EVC: variants seen among roughly 807,000 people sequenced by gnomAD.
The protein encoded by EVC is evC complex member EVC.
Under a neutral mutation model 118.9 loss-of-function variants are expected in EVC, and 116 were observed. That is an observed-to-expected ratio of 0.98 (90% confidence interval 0.84 to 1.14). The LOEUF (loss-of-function observed/expected upper bound fraction) is 1.14, where lower values mean the gene tolerates loss of function less well. Ranked by LOEUF, EVC falls within the 50% of genes most tolerant of loss-of-function variation. The pLI is 0.00. For missense variants in EVC, 1,401 were observed against 1,246.4 expected, an observed-to-expected ratio of 1.12 and a Z score of -1.87; for synonymous variants, 619 against 534.7, an observed-to-expected ratio of 1.16 and a Z score of -2.18.
rs144875837 is a variant in EVC at position 5,742,202 on chromosome 4, A to AG, written c.801+391dup. 0.077 allele frequency among the ~76,000 whole-genome samples: 11,717 copies of AG among 152,256 alleles called. 549 individuals carry two copies. Among genetic ancestry groups the AG allele is most frequent in the South Asian group, 0.12 (565 of 4,822 alleles). ...TTTGTCTCAGGCGCAGCAAAGAGTC[A>AG]GGGCTTGGAGTCAGACTGGTTGAGG... is the stretch of plus-strand genomic sequence containing the variant. On this transcript the variant is annotated intron_variant, in intron 6 of 20. Transcript: ENST00000264956. This position sits in a 1 kb window ranked among gnomAD's most constrained non-coding sequence, Gnocchi z 5.2.
chr4:5,774,251 T>C (rs1014706134), intron 11 of EVC, among the ~76,000 whole-genome samples: 1 of 151,444 alleles, frequency 6.6e-6, no homozygotes, highest in Non-Finnish European at 1.5e-5. Context: ...TGCAAACAAC[T>C]GAAACAAAAA....
At chr4:5,765,928 G>C (rs1296856121) in intron 11 of EVC, among the ~76,000 whole-genome samples, 1 of 138,494 alleles carries the variant, frequency 7.2e-6, no homozygotes, top group African/African-American at 2.8e-5. Context: ...TGTTATGTGT[G>C]AATTTGATCC....
chr4:5,748,212 C>T lies in EVC; in HGVS notation c.1004C>T (p.Ser335Phe). The T allele has an allele frequency of 1.2e-6, 2 of 1,614,174 alleles. No individual in the cohort carries two copies. Among genetic ancestry groups the T allele is most frequent in the Non-Finnish European group, 1.7e-6 (2 of 1,180,036 alleles). Residue 335 changes from serine to phenylalanine, a missense_variant, in exon 8 of 21, where the codon TCC becomes TTC. By Grantham distance (155) the Ser-to-Phe change is radical. Coordinates refer to ENST00000264956, the MANE Select transcript of EVC (RefSeq NM_153717.3). Reference protein sequence around the residue: ...QHFLVDQFKCSSSKARQLMMT... With the variant: ...QHFLVDQFKCFSSKARQLMMT... ...TTTCTTGTGGACCAGTTTAAGTGTT[C>T]CAGCTCCAAAGCCCGACAGCTGATG... is the stretch of plus-strand genomic sequence containing the variant.
Position 5,746,570 on chromosome 4 carries a change from A to G in EVC, c.939+1229A>G, listed in dbSNP as rs759275206. On this transcript the variant is annotated intron_variant, in intron 7 of 20. Coordinates refer to ENST00000264956, the MANE Select transcript of EVC (RefSeq NM_153717.3). This position sits in a 1 kb window ranked among gnomAD's most constrained non-coding sequence, Gnocchi z 5.8. ...AGGTTAGAGGACTTTGAGGGCCAGA[A>G]TGTTCTTAGAACTGTGGGCCAGGAT... Among the ~76,000 whole-genome samples, 11 of 152,118 alleles carry G rather than the reference A, an allele frequency of 7.2e-5. No homozygotes were observed. The highest frequency in any genetic ancestry group is 1.6e-4 in the Non-Finnish European group (11 of 68,002).
In EVC at chr4:5,801,740, T is replaced by A. The variant is rs557198379; in HGVS notation, c.2305-210T>A. ...CGACTTTCCCTAACATCGCATTTCA[T>A]TGGCTCTAGACATCCCTGACCTAAG... On this transcript the variant is annotated intron_variant, in intron 15 of 20. Coordinates refer to ENST00000264956, the MANE Select transcript of EVC (RefSeq NM_153717.3). 6.6e-5 allele frequency: 37 copies of A among 559,584 alleles called. No homozygotes were observed. The East Asian group carries it at 1.1e-3, about 16-fold the overall frequency. 34.7% of individuals were successfully genotyped at this position (559,584 alleles called of 1,614,324 possible). A position where few individuals can be genotyped will look rare whatever the true frequency, so the allele number is the denominator to read the frequency against.
chr4:5,721,046 T>G (rs1386123844), intron 2 of EVC, among the ~76,000 whole-genome samples: 1 of 152,170 alleles, frequency 6.6e-6, no homozygotes, highest in East Asian at 1.9e-4. Flanking sequence ...TGTGGGTCTT[T>G]CTGTGTGCAT....
intron 2 of EVC, among the ~76,000 whole-genome samples, chr4:5,720,648 C>T (rs1485652673): frequency 2.6e-5 from 4 of 152,224 alleles, no homozygotes; most frequent in Non-Finnish European, 5.9e-5. Flanking sequence ...GCATCTCCCT[C>T]CCTGGCTGGT....
At chr4:5,823,490 G>A in the EVC span, among the ~76,000 whole-genome samples, 2 of 152,216 alleles carry the variant, frequency 1.3e-5, no homozygotes, top group Admixed American at 6.5e-5. Flanking sequence ...CCAAAACTTC[G>A]TGTTGAAATT....
intron 11 of EVC, among the ~76,000 whole-genome samples, chr4:5,779,051 C>G (rs1352669568): frequency 6.6e-6 from 1 of 152,178 alleles, no homozygotes; most frequent in Non-Finnish European, 1.5e-5. Context: ...TTTCAGCTTT[C>G]TCCATATGGC....
rs2302075 is a variant in EVC, at chr4:5,753,815, C to A, written c.1346C>A (p.Thr449Lys). Residue 449 changes from threonine (T) to lysine (K), a missense_variant, in exon 10 of 21, where the codon ACG becomes AAG. Physicochemically the swap from Thr to Lys is moderately conservative, Grantham distance 78 (BLOSUM62 -1). Transcript: ENST00000264956. The stretch of plus-strand genomic sequence containing the variant: ...GTCCAGCGAGGCAAAGACCTGGTCA[C>A]GGCGTCTCTGGCTCACCAGGTGGAG... ...EFVQRGKDLV[T>K]ASLAHQVEGT... 0.8 allele frequency: 1,291,373 copies of A among 1,613,976 alleles called. 518,043 individuals are homozygous for A. The highest frequency in any genetic ancestry group is 0.96 in the African/African-American group (71,895 of 75,034).
In EVC at chr4:5,731,393, TG is replaced by T; in HGVS notation, c.385-30del. 6.6e-7 allele frequency: 1 copy of T among 1,508,460 alleles called. No individual in the cohort carries two copies. Among genetic ancestry groups the T allele is most frequent in the African/African-American group, 1.4e-5 (1 of 72,700 alleles). 93.4% of individuals were successfully genotyped at this position (1,508,460 alleles called of 1,614,324 possible). ...TAGATCAAATCCCAGAGGCATCACATGGACTGAGTGTGACTCCTACTGCCAC... is the reference window on the plus strand; with the variant it reads ...TAGATCAAATCCCAGAGGCATCACATGACTGAGTGTGACTCCTACTGCCAC... On this transcript the variant is annotated intron_variant, in intron 3 of 20. Transcript: ENST00000264956. The surrounding 1 kb of genome is among the most constrained non-coding windows in gnomAD (Gnocchi z 5.6).
At chr4:5,733,264 C>G (rs1727130558) in intron 4 of EVC, 87 bp from the exon 5 acceptor site, 2 of 1,074,938 alleles carry the variant, frequency 1.9e-6, no homozygotes. Context: ...TGTGCTGTGG[C>G]TTGTACTGAT....
chr4:5,715,439 C>T (rs1171170967), intron 1 of EVC, among the ~76,000 whole-genome samples: 1 of 152,172 alleles, frequency 6.6e-6, no homozygotes, highest in Non-Finnish European at 1.5e-5. Flanking sequence ...AATAAGCCCT[C>T]CTGGTGATTT....
chr4:5,769,817 G>C lies in EVC; in HGVS notation c.1563+13455G>C, dbSNP rs1024596792. On this transcript the variant is annotated intron_variant, in intron 11 of 20. Transcript: ENST00000264956. ...AGGGCTGAGAAAAAGAGAAAACACT[G>C]GACTCTGTCCTTGAAGAACACAGGC... is the stretch of plus-strand genomic sequence containing the variant. 2.0e-5 allele frequency among the ~76,000 whole-genome samples: 3 copies of C among 152,126 alleles called. 1 individual carries two copies. Among genetic ancestry groups the C allele is most frequent in the African/African-American group, 7.3e-5 (3 of 41,376 alleles).
rs534263156 is a variant in EVC at position 5,755,315 on chromosome 4, G to C, written c.1465-949G>C. 6.6e-6 allele frequency among the ~76,000 whole-genome samples: 1 copy of C among 152,160 alleles called. No individual in the cohort carries two copies. The highest frequency in any genetic ancestry group is 1.5e-5 in the Non-Finnish European group (1 of 68,032). On this transcript the variant is annotated intron_variant, in intron 10 of 20. Transcript: ENST00000264956. The surrounding 1 kb of genome is among the most constrained non-coding windows in gnomAD (Gnocchi z 4.1). ...GTCCCAGGGCCTCGGTACAGTCCTC[G>C]GAACGCCTCAGCGCTGGCGTTCAGG... is the stretch of plus-strand genomic sequence containing the variant.
intron 5 of EVC, among the ~76,000 whole-genome samples, chr4:5,736,183 G>A (rs1012560331): frequency 1.3e-5 from 2 of 152,104 alleles, no homozygotes; most frequent in African/African-American, 4.8e-5. Context: ...AAATAAAGGG[G>A]AGCACCAGCA....
At chr4:5,785,025 G>A (rs1736209835) in intron 12 of EVC, among the ~76,000 whole-genome samples, 2 of 152,084 alleles carry the variant, frequency 1.3e-5, no homozygotes. Context: ...GCCCTCTAGA[G>A]GCTGTGAAAC....
At chr4:5,792,811 G>T (rs1713043600) in intron 12 of EVC, among the ~76,000 whole-genome samples, 1 of 152,008 alleles carries the variant, frequency 6.6e-6, no homozygotes, top group Admixed American at 6.6e-5. Flanking sequence ...ATCATCTTCA[G>T]AATAAAAGCC....
Position 5,761,860 on chromosome 4 carries a change from T to C in EVC, c.1563+5498T>C, listed in dbSNP as rs567644959. 1.9e-3 allele frequency among the ~76,000 whole-genome samples: 296 copies of C among 151,830 alleles called. 4 individuals are homozygous for C. The highest frequency in any genetic ancestry group is 6.8e-3 in the African/African-American group (279 of 41,284). On this transcript the variant is annotated intron_variant, in intron 11 of 20. Coordinates refer to ENST00000264956, the MANE Select transcript of EVC (RefSeq NM_153717.3). ...CTTCCAAGGTTTCTCTGGGGTCCCATTGGCCAAGAAGCCCCAACTGTTAAT... is the reference window on the plus strand; with the variant it reads ...CTTCCAAGGTTTCTCTGGGGTCCCACTGGCCAAGAAGCCCCAACTGTTAAT...
Sources: gnomAD v4.1 joint callset for allele counts (sites outside exome capture counted in the v4.1 genomes callset) on GRCh38, gnomAD v4.1.1 for gene constraint, Gnocchi (gnomAD v3.1) non-coding constraint, MANE v1.5 for transcripts, NCBI Gene and HGNC (gene_info 2026-07-23, HGNC 2026-07-21) for gene names.